The following SKI variants were observed in gnomAD, a reference collection of about 807,000 sequenced individuals.
SKI encodes the protein SKI proto-oncogene, also known as ski oncogene.
In SKI, 23 loss-of-function variants were observed where a neutral mutation model predicts 59.3. The observed-to-expected ratio is 0.39, with a 90% CI of 0.28 to 0.55. The LOEUF (loss-of-function observed/expected upper bound fraction) is 0.55. Ranked by LOEUF, SKI falls within the 20% of genes least tolerant of loss-of-function variation. The pLI is 0.67. For synonymous variants in SKI, 673 were observed against 488.6 expected (o/e 1.38, Z -4.98); for missense variants, 1,017 against 1,038.9 (o/e 0.98, Z 0.29).
intron 1 of SKI, among the ~76,000 whole-genome samples, chr1:2,261,518 C>G (rs975368326): frequency 1.3e-5 from 2 of 152,188 alleles, no homozygotes; most frequent in African/African-American, 2.4e-5. Flanking sequence ...TTTTCTTGGT[C>G]TTGTAAATAA....
rs992896405 is a variant in SKI, at chr1:2,306,886, A to C, written c.*121A>C. On this transcript the variant is annotated 3_prime_UTR_variant, in exon 7 of 7. Transcript: ENST00000378536. ...CACAGCACAACGTCTTACCGTGCCT[A>C]TTACCAAGCGAGTGTTTGTAACCAT... 8 of 656,550 alleles carry C rather than the reference A, an allele frequency of 1.2e-5. No homozygotes were observed. The African/African-American group carries it at 1.4e-4, about 11-fold the overall frequency. The allele number at this position is 656,550 out of a possible 1,614,324, so 40.7% of individuals were successfully genotyped here. A position where few individuals can be genotyped will look rare whatever the true frequency, so the allele number is the denominator to read the frequency against.
rs542704138 is a variant in SKI, at chr1:2,290,236, G to C, written c.970-12742G>C. On this transcript the variant is annotated intron_variant, in intron 1 of 6. Transcript: ENST00000378536. The stretch of plus-strand genomic sequence containing the variant: ...AGGCAAGTCCCGGGGCTCCTGGGAA[G>C]AGGCTACTTCTCAGCCTCTTGAGAG... 3.3e-4 allele frequency among the ~76,000 whole-genome samples: 50 copies of C among 152,304 alleles called. 1 individual carries two copies. In the South Asian group the frequency reaches 1.0e-2, roughly 30 times the overall value.
In SKI at chr1:2,229,021, G is replaced by T; in HGVS notation, c.255G>T (p.Val85=). 1 of 1,594,156 alleles carries T rather than the reference G, an allele frequency of 6.3e-7. No homozygotes were observed. Among genetic ancestry groups the T allele is most frequent in the Non-Finnish European group, 8.5e-7 (1 of 1,176,286 alleles). ...HLPAIQPPPP[V]LPGPFFMPSD... is the part of the protein sequence containing the mutation. ...CCGCCATCCAGCCGCCGCCGCCCGT[G>T]CTGCCCGGGCCCTTCTTCATGCCGT... is the stretch of plus-strand genomic sequence containing the variant. The change falls in exon 1 of 7, where the codon GTG becomes GTT. Residue 85 remains valine, a synonymous_variant. Coordinates refer to ENST00000378536, the MANE Select transcript of SKI (RefSeq NM_003036.4). The surrounding 1 kb of genome is among the most constrained non-coding windows in gnomAD (Gnocchi z 6.3).
At chr1:2,243,815 A>G (rs1420679838) in intron 1 of SKI, among the ~76,000 whole-genome samples, 4 of 152,146 alleles carry the variant, frequency 2.6e-5, no homozygotes, top group Non-Finnish European at 5.9e-5. Flanking sequence ...CGCACACGCA[A>G]TACACATCTC....
chr1:2,263,678 C>G (rs7547453), intron 1 of SKI, among the ~76,000 whole-genome samples: 22 of 151,400 alleles, frequency 1.5e-4, no homozygotes, highest in Admixed American at 2.6e-4. Flanking sequence ...CCTAAGTTTT[C>G]TGAAGAATTT....
chr1:2,239,513 T>C (rs1638820624), intron 1 of SKI, among the ~76,000 whole-genome samples: 1 of 152,204 alleles, frequency 6.6e-6, no homozygotes, highest in Non-Finnish European at 1.5e-5. Flanking sequence ...GGTGTAGCCG[T>C]TGGCGGCACC....
Position 2,306,949 on chromosome 1 carries a change from A to C in SKI, c.*184A>C. ...CCCACTGCAAAATTTTCTACTGGCC[A>C]AGTTCAAGTGAGTAAGCCGCGTCCC... On this transcript the variant is annotated 3_prime_UTR_variant, in exon 7 of 7. Transcript: ENST00000378536. 1 of 372,642 alleles carries C rather than the reference A, an allele frequency of 2.7e-6. No individual in the cohort carries two copies. The highest frequency in any genetic ancestry group is 4.6e-6 in the Non-Finnish European group (1 of 217,582). 23.1% of individuals were successfully genotyped at this position (372,642 alleles called of 1,614,324 possible).
chr1:2,263,644 A>G (rs562906627), intron 1 of SKI, among the ~76,000 whole-genome samples: 3 of 151,994 alleles, frequency 2.0e-5, no homozygotes, highest in Admixed American at 2.0e-4. Flanking sequence ...ATGTTCTTGT[A>G]GAATGATTTG....
At chr1:2,305,916 T>C (rs1640560622) in intron 5 of SKI, 104 bp from the exon 6 acceptor site, 1 of 908,774 alleles carries the variant, frequency 1.1e-6, no homozygotes, top group African/African-American at 1.6e-5. Context: ...CAGGGCACAT[T>C]GTCAGATAGA....
intron 1 of SKI, among the ~76,000 whole-genome samples, chr1:2,275,637 C>T (rs1366610183): frequency 3.9e-5 from 6 of 152,226 alleles, no homozygotes; most frequent in Non-Finnish European, 8.8e-5. Flanking sequence ...CTCAGCCTCC[C>T]AAGTAGCTGG....
chr1:2,257,534 ATG>A (rs947862988), intron 1 of SKI, among the ~76,000 whole-genome samples: 2 of 152,132 alleles, frequency 1.3e-5, no homozygotes, highest in African/African-American at 4.8e-5. Context: ...CTCCTGCCCT[ATG>A]TGTGCTTGAG....
At position 2,308,676 on chromosome 1, in the gene SKI, G is replaced by A. The variant is rs1032495636; in HGVS notation, c.*1911G>A. 3.3e-5 allele frequency: 5 copies of A among 152,184 alleles called. No individual in the cohort carries two copies. The highest frequency in any genetic ancestry group is 9.6e-5 in the African/African-American group (4 of 41,530). The allele number at this position is 152,184 out of a possible 1,614,324, so 9.4% of individuals were successfully genotyped here. On this transcript the variant is annotated 3_prime_UTR_variant, in exon 7 of 7. Transcript: ENST00000378536. ...GGAGCAAAGCTTTAAGTGTGTTGGC[G>A]TGCTTCTGTGTGGCTGTCCTGTGTC... is the stretch of plus-strand genomic sequence containing the variant.
In SKI at chr1:2,310,130, T is replaced by C. The variant is rs1277066622; in HGVS notation, c.*3365T>C. On this transcript the variant is annotated 3_prime_UTR_variant, in exon 7 of 7. Transcript: ENST00000378536. ...GATTTAAAAAGAAAAGAGCTTGGCA[T>C]ATTTATCTATTTCGCTGTGTACCTG... 1.3e-5 allele frequency: 2 copies of C among 151,942 alleles called. No individual in the cohort carries two copies. Among genetic ancestry groups the C allele is most frequent in the African/African-American group, 4.8e-5 (2 of 41,378 alleles). The allele number at this position is 151,942 out of a possible 1,614,324, so 9.4% of individuals were successfully genotyped here.
In SKI at chr1:2,293,686, G is replaced by C. The variant is rs1433138363; in HGVS notation, c.970-9292G>C. On this transcript the variant is annotated intron_variant, in intron 1 of 6. Coordinates refer to ENST00000378536, the MANE Select transcript of SKI (RefSeq NM_003036.4). ...GTGTCCTCGTGTTTCCGCTGCCCCT[G>C]TTCTTGGGCACTGCGTTGTGTTCTG... 2.0e-5 allele frequency among the ~76,000 whole-genome samples: 3 copies of C among 152,184 alleles called. No individual in the cohort carries two copies. In the East Asian group the frequency reaches 5.8e-4, roughly 29 times the overall value.
At chr1:2,236,022 G>A (rs535759798) in intron 1 of SKI, among the ~76,000 whole-genome samples, 6 of 152,372 alleles carry the variant, frequency 3.9e-5, no homozygotes, top group South Asian at 4.1e-4. Flanking sequence ...CTTGGTGTTC[G>A]TGTCTTCTCT....
At chr1:2,234,884 C>T (rs1638719452) in intron 1 of SKI, among the ~76,000 whole-genome samples, 1 of 152,130 alleles carries the variant, frequency 6.6e-6, no homozygotes, top group South Asian at 2.1e-4. Flanking sequence ...GGGCTCTTCC[C>T]CTCCTGAGCA....
At chr1:2,277,163 T>C (rs550482898) in intron 1 of SKI, among the ~76,000 whole-genome samples, 2 of 152,302 alleles carry the variant, frequency 1.3e-5, no homozygotes, top group South Asian at 2.1e-4. Context: ...TCTTTGGAGA[T>C]GGAGTCTCAC....
At chr1:2,277,419 A>G (rs1412037695) in intron 1 of SKI, among the ~76,000 whole-genome samples, 3 of 152,096 alleles carry the variant, frequency 2.0e-5, no homozygotes, top group Non-Finnish European at 1.5e-5. Context: ...TTCTCGTGAT[A>G]GTGAGTAAGT....
chr1:2,289,200 T>C (rs1358971963), intron 1 of SKI, among the ~76,000 whole-genome samples: 1 of 152,100 alleles, frequency 6.6e-6, no homozygotes, highest in Non-Finnish European at 1.5e-5. Context: ...GCTCCTCTGT[T>C]ATGTTGAGCC....
Sources: allele counts gnomAD v4.1 joint callset (sites outside exome capture counted in the v4.1 genomes callset), GRCh38; gene constraint gnomAD v4.1.1; non-coding constraint Gnocchi (gnomAD v3.1); transcripts MANE v1.5; gene names NCBI Gene and HGNC (gene_info 2026-07-23, HGNC 2026-07-21).